Variants in WDR59 observed in about 807,000 individuals in gnomAD.
WDR59 encodes the protein WD repeat domain 59.
WDR59 carries 100 observed loss-of-function variants against 131.2 expected under a neutral mutation model. That is an observed-to-expected ratio of 0.76 (90% CI 0.65 to 0.90). The LOEUF (loss-of-function observed/expected upper bound fraction) is 0.90. WDR59 is among the 40% of genes least tolerant of loss of function. The probability of loss-of-function intolerance (pLI) is 0.00; values close to 1 mark genes in which losing one functional copy is unlikely to be tolerated. For synonymous variants in WDR59, 601 were observed against 466.2 expected, an observed-to-expected ratio of 1.29 and a Z score of -3.72; for missense variants, 1,203 against 1,262.2, an observed-to-expected ratio of 0.95 and a Z score of 0.71.
rs1367246422 is a variant in WDR59 at position 74,887,802 on chromosome 16, A to T, written c.2347-47T>A. The T allele has an allele frequency of 3.9e-6, 6 of 1,554,502 alleles. No homozygotes were observed. In the Admixed American group the frequency reaches 8.4e-5, roughly 22 times the overall value. ...CCAACAGGACTAGCATGAGAATACCATTCCCCATGACAGTTCACATTAAGA... is the reference window on the plus strand; with the variant it reads ...CCAACAGGACTAGCATGAGAATACCTTTCCCCATGACAGTTCACATTAAGA... On this transcript the variant is annotated intron_variant, in intron 22 of 25. Transcript: ENST00000262144.
At chr16:74,957,129 G>A (rs2033333330) in intron 2 of WDR59, among the ~76,000 whole-genome samples, 1 of 145,224 alleles carries the variant, frequency 6.9e-6, no homozygotes, top group Admixed American at 7.1e-5. Context: ...CACCCAGGCT[G>A]GAGTACTGTG....
At chr16:74,983,535 G>C (rs2034507328) in intron 1 of WDR59, among the ~76,000 whole-genome samples, 1 of 152,046 alleles carries the variant, frequency 6.6e-6, no homozygotes, top group Non-Finnish European at 1.5e-5. Flanking sequence ...CTAGGTGCTG[G>C]GGAAGAGGGG....
intron 7 of WDR59, among the ~76,000 whole-genome samples, chr16:74,940,389 A>G (rs182413834): frequency 6.8e-4 from 104 of 152,042 alleles, no homozygotes; most frequent in African/African-American, 2.2e-3. Context: ...CCAAAAAAAA[A>G]AAAACAACAA....
Position 74,956,548 on chromosome 16 carries a change from C to A in WDR59, c.167G>T (p.Arg56Leu). Residue 56 changes from arginine to leucine, a missense_variant, in exon 3 of 26, where the codon CGC becomes CTC. By Grantham distance (102) the Arg-to-Leu change is moderately radical (BLOSUM62 -2). Transcript: ENST00000262144. ...APFEGHRKIS[R>L]QSKWDIGAVQ... ...AGCTCCAATGTCCCATTTGCTCTGG[C>A]GAGAGATCTTTCGGTGACCTTCGAA... 6.2e-7 allele frequency: 1 copy of A among 1,614,044 alleles called. No homozygotes were observed. The highest frequency in any genetic ancestry group is 8.5e-7 in the Non-Finnish European group (1 of 1,179,994).
chr16:74,926,313 C>G (rs1399219302), intron 8 of WDR59, among the ~76,000 whole-genome samples: 1 of 152,126 alleles, frequency 6.6e-6, no homozygotes. Context: ...CCACCTCGGC[C>G]TCCCAGAGTG....
At chr16:74,982,048 G>A (rs1292107339) in intron 1 of WDR59, among the ~76,000 whole-genome samples, 2 of 144,882 alleles carry the variant, frequency 1.4e-5, no homozygotes, top group Non-Finnish European at 3.0e-5. Context: ...TTGAACCTCG[G>A]AGTTCAAGAC....
At chr16:74,933,881 G>C (rs1222062848) in intron 8 of WDR59, among the ~76,000 whole-genome samples, 1 of 152,212 alleles carries the variant, frequency 6.6e-6, no homozygotes, top group African/African-American at 2.4e-5. Flanking sequence ...CACCGCACCA[G>C]CCATTTCTTA....
chr16:74,953,856 G>T (rs772279367), intron 3 of WDR59, among the ~76,000 whole-genome samples: 6 of 152,030 alleles, frequency 3.9e-5, no homozygotes, highest in Admixed American at 6.6e-5. Context: ...AAAAAAATTA[G>T]CCGGGCATGG....
intron 13 of WDR59, among the ~76,000 whole-genome samples, chr16:74,914,253 ATC>A (rs934877553): frequency 3.3e-5 from 5 of 151,622 alleles, no homozygotes; most frequent in African/African-American, 1.2e-4. Flanking sequence ...TGTGAATTAT[ATC>A]TCAATAATTT....
chr16:74,945,749 G>A (rs8045295), intron 6 of WDR59, among the ~76,000 whole-genome samples: 1 of 151,412 alleles, frequency 6.6e-6, no homozygotes, highest in Admixed American at 6.6e-5. Context: ...TCTACAGTGT[G>A]AGTCACTCCC....
chr16:74,984,602 C>A, intron 1 of WDR59: 1 of 303,380 alleles, frequency 3.3e-6, no homozygotes, highest in Non-Finnish European at 6.3e-6. Context: ...CCGCGACTTG[C>A]CTTAAGTCGC....
chr16:74,938,748 G>C (rs1400845896), intron 7 of WDR59, among the ~76,000 whole-genome samples: 1 of 151,890 alleles, frequency 6.6e-6, no homozygotes, highest in African/African-American at 2.4e-5. Context: ...ATGTTGTCCA[G>C]GCTGGTCTTG....
At chr16:74,982,956 T>C (rs75588060) in intron 1 of WDR59, among the ~76,000 whole-genome samples, 2,191 of 152,314 alleles carry the variant, frequency 0.014, 22 homozygotes, top group Middle Eastern at 0.024. Context: ...TGGTATAGTG[T>C]ATACCTGAAG....
At position 74,909,846 on chromosome 16, in the gene WDR59, G is replaced by A. The variant is rs778948512; in HGVS notation, c.1461C>T (p.Leu487=). ...QSCLEPCLRQ[L]VSCLESFVNQ... ...CCACAAAGGACTCAAGGCAGGAGAC[G>A]AGCTGGCGCAGGCAGGGCTCCAGGC... Residue 487 remains leucine (L), a synonymous_variant, in exon 15 of 26, where the codon CTC becomes CTT. Transcript: ENST00000262144. 6.2e-6 allele frequency: 10 copies of A among 1,612,698 alleles called. No homozygotes were observed. In the East Asian group the frequency reaches 6.7e-5, roughly 11 times the overall value.
At chr16:74,939,060 G>A (rs1375964019) in intron 7 of WDR59, among the ~76,000 whole-genome samples, 5 of 152,014 alleles carry the variant, frequency 3.3e-5, no homozygotes, top group Non-Finnish European at 7.4e-5. Context: ...GGGCACGGTG[G>A]CTCATGCCTG....
intron 1 of WDR59, among the ~76,000 whole-genome samples, chr16:74,983,189 T>C (rs1315394036): frequency 3.3e-5 from 5 of 151,514 alleles, no homozygotes; most frequent in South Asian, 2.1e-4. Flanking sequence ...CAAAAAATAA[T>C]AGGCCAGGTG....
chr16:74,883,324 C>T (rs1443420618), intron 25 of WDR59, among the ~76,000 whole-genome samples: 2 of 152,028 alleles, frequency 1.3e-5, no homozygotes, highest in East Asian at 1.9e-4. Context: ...TACCCGGCCA[C>T]ACCCCGGTTT....
At chr16:74,925,441 G>C (rs992854955) in intron 8 of WDR59, among the ~76,000 whole-genome samples, 2 of 151,866 alleles carry the variant, frequency 1.3e-5, no homozygotes, top group African/African-American at 2.4e-5. Flanking sequence ...CTACTCAGGA[G>C]GCTGAGGCAC....
At chr16:74,962,734 G>A (rs750342425) in intron 2 of WDR59, 9 of 151,920 alleles carry the variant, frequency 5.9e-5, no homozygotes, top group Non-Finnish European at 1.2e-4. Context: ...TCTGCAAACA[G>A]GGACAGTTTG....
Sources: allele counts gnomAD v4.1 joint callset (sites outside exome capture counted in the v4.1 genomes callset), GRCh38; gene constraint gnomAD v4.1.1; transcripts MANE v1.5; gene names NCBI Gene and HGNC (gene_info 2026-07-23, HGNC 2026-07-21).